Variants in NTM observed in about 807,000 individuals in gnomAD.
NTM encodes neurotrimin.
NTM carries 13 observed loss-of-function variants against 42.1 expected under a neutral mutation model. That is an observed-to-expected ratio of 0.31 (90% CI 0.20 to 0.49). NTM has a LOEUF of 0.49. NTM is among the 20% of genes least tolerant of loss of function. The probability of loss-of-function intolerance (pLI) is 0.99; values close to 1 mark genes in which losing one functional copy is unlikely to be tolerated. For missense variants in NTM, 373 were observed against 452.8 expected, an observed-to-expected ratio of 0.82 and a Z score of 1.60; for synonymous variants, 187 against 179.2, an observed-to-expected ratio of 1.04 and a Z score of -0.35.
At chr11:131,768,369 C>A (rs548996175) in intron 1 of NTM, among the ~76,000 whole-genome samples, 1 of 152,118 alleles carries the variant, frequency 6.6e-6, no homozygotes. Flanking sequence ...CCACCTGCCT[C>A]GGCCTCTCAA....
At chr11:132,213,612 GC>G (rs2083276849) in intron 4 of NTM, among the ~76,000 whole-genome samples, 2 of 152,130 alleles carry the variant, frequency 1.3e-5, no homozygotes, top group African/African-American at 4.8e-5. Context: ...CTATGAAGGG[GC>G]CCCAAGTACC....
intron 1 of NTM, among the ~76,000 whole-genome samples, chr11:131,437,633 G>A (rs941304256): frequency 6.6e-6 from 1 of 152,042 alleles, no homozygotes; most frequent in Non-Finnish European, 1.5e-5. Context: ...CTTTCCATTT[G>A]CTTGGTAGAT....
At chr11:132,021,333 A>G (rs1443768552) in intron 2 of NTM, among the ~76,000 whole-genome samples, 1 of 152,136 alleles carries the variant, frequency 6.6e-6, no homozygotes, top group Admixed American at 6.5e-5. Flanking sequence ...AAACATATTT[A>G]TAAGAATGGC....
intron 1 of NTM, among the ~76,000 whole-genome samples, chr11:131,768,531 A>G (rs2085516219): frequency 6.6e-6 from 1 of 152,178 alleles, no homozygotes; most frequent in Non-Finnish European, 1.5e-5. Flanking sequence ...AATGCTATCT[A>G]TAGGATCATT....
At chr11:132,275,480 T>C (rs2093668594) in intron 4 of NTM, among the ~76,000 whole-genome samples, 1 of 151,926 alleles carries the variant, frequency 6.6e-6, no homozygotes, top group African/African-American at 2.4e-5. Context: ...ATTCTCCAAT[T>C]TGATTTCTCT....
At chr11:131,577,078 C>G (rs2058007295) in intron 1 of NTM, among the ~76,000 whole-genome samples, 1 of 152,238 alleles carries the variant, frequency 6.6e-6, no homozygotes, top group South Asian at 2.1e-4. Flanking sequence ...AATTTTGGCT[C>G]TTCTGATTAC....
chr11:131,508,970 G>A lies in NTM; in HGVS notation c.82+138082G>A, dbSNP rs184853413. 7.5e-3 allele frequency among the ~76,000 whole-genome samples: 1,140 copies of A among 151,232 alleles called. 8 individuals are homozygous for A. Among genetic ancestry groups the A allele is most frequent in the Non-Finnish European group, 0.013 (880 of 67,868 alleles). ...TTACTGGGTGCAGCGCACCAACATG[G>A]CACATGTATACATATGTAACTAACC... On this transcript the variant is annotated intron_variant, in intron 1 of 8. Transcript: ENST00000683400.
In NTM at chr11:131,674,247, G is replaced by T. The variant is rs114555904; in HGVS notation, c.83-237317G>T. On this transcript the variant is annotated intron_variant, in intron 1 of 8. Coordinates refer to ENST00000683400, the MANE Select transcript of NTM (RefSeq NM_001352005.2). ...CCACCGCCTACACTGAAACTGGAAA[G>T]AGCTCACTGAAAAGGAATGCAGTTC... Among the ~76,000 whole-genome samples, 676 of 152,348 alleles carry T rather than the reference G, an allele frequency of 4.4e-3. 4 individuals are homozygous for T. The highest frequency in any genetic ancestry group is 0.015 in the African/African-American group (618 of 41,582).
At chr11:131,460,108 T>C (rs956072689) in intron 1 of NTM, among the ~76,000 whole-genome samples, 17 of 152,164 alleles carry the variant, frequency 1.1e-4, no homozygotes, top group Admixed American at 7.9e-4. Flanking sequence ...AGACCAACAG[T>C]GTCCAGAACA....
intron 4 of NTM, among the ~76,000 whole-genome samples, chr11:132,251,534 T>G (rs1016133686): frequency 1.1e-4 from 17 of 152,186 alleles, no homozygotes; most frequent in African/African-American, 2.4e-5. Context: ...AACTTCCTTA[T>G]GCGATGATGA....
chr11:131,537,342 A>C (rs956271969), intron 1 of NTM: 7 of 152,228 alleles, frequency 4.6e-5, no homozygotes, highest in African/African-American at 1.7e-4. Flanking sequence ...AGTAACATAG[A>C]CCTGACTGAA....
At chr11:131,432,564 G>A (rs11603013) in intron 1 of NTM, among the ~76,000 whole-genome samples, 8,917 of 152,156 alleles carry the variant, frequency 0.059, 336 homozygotes, top group Non-Finnish European at 0.085. Flanking sequence ...GTGGGGCTGC[G>A]GGGACTAGGG....
At chr11:132,014,406 C>T (rs189546543) in intron 2 of NTM, among the ~76,000 whole-genome samples, 5 of 152,168 alleles carry the variant, frequency 3.3e-5, no homozygotes, top group Admixed American at 1.3e-4. Context: ...TGAATAAATA[C>T]CCAGTAGTGG....
At chr11:131,371,264 C>A (rs564152434) in intron 1 of NTM, among the ~76,000 whole-genome samples, 1 of 152,124 alleles carries the variant, frequency 6.6e-6, no homozygotes, top group East Asian at 1.9e-4. Context: ...GTTGCTTATG[C>A]GACTGGGAAG....
chr11:131,689,812 A>G (rs1423465364), intron 1 of NTM, among the ~76,000 whole-genome samples: 1 of 152,000 alleles, frequency 6.6e-6, no homozygotes, highest in African/African-American at 2.4e-5. Context: ...ACCCCAGGCC[A>G]CCTCCTCCCA....
intron 2 of NTM, among the ~76,000 whole-genome samples, chr11:131,966,881 C>T (rs1359210583): frequency 6.6e-6 from 1 of 152,210 alleles, no homozygotes; most frequent in East Asian, 1.9e-4. Context: ...GCTGTTGTCA[C>T]TCACAGATGG....
chr11:131,755,517 G>A (rs1231316241), intron 1 of NTM, among the ~76,000 whole-genome samples: 3 of 152,114 alleles, frequency 2.0e-5, no homozygotes, highest in African/African-American at 7.2e-5. Flanking sequence ...AGTAGTTTTA[G>A]TATAAGTATG....
chr11:131,521,737 C>T (rs1440010427), intron 1 of NTM, among the ~76,000 whole-genome samples: 2 of 152,152 alleles, frequency 1.3e-5, no homozygotes, highest in East Asian at 1.9e-4. Context: ...TACTGAGGAT[C>T]ACATTTGAAC....
intron 2 of NTM, among the ~76,000 whole-genome samples, chr11:131,958,789 C>T (rs559349480): frequency 6.6e-6 from 1 of 152,146 alleles, no homozygotes; most frequent in Admixed American, 6.6e-5. Context: ...ACTACTCTCG[C>T]GAGTTCTTGC....
Sources: allele counts gnomAD v4.1 joint callset (sites outside exome capture counted in the v4.1 genomes callset), GRCh38; gene constraint gnomAD v4.1.1; transcripts MANE v1.5; gene names NCBI Gene and HGNC (gene_info 2026-07-23, HGNC 2026-07-21).